Variants in DNAJC28 observed in about 807,000 individuals in gnomAD.
The protein encoded by DNAJC28 is DnaJ heat shock protein family (Hsp40) member C28, also known as dnaJ homolog subfamily C member 28.
In DNAJC28, 24 loss-of-function variants were observed where a neutral mutation model predicts 33.3. That is an observed-to-expected ratio of 0.72 (90% confidence interval 0.52 to 1.01). The LOEUF (loss-of-function observed/expected upper bound fraction) is 1.01, where lower values mean the gene tolerates loss of function less well. Ranked by LOEUF, DNAJC28 falls within the 50% of genes least tolerant of loss-of-function variation. The pLI is 0.00. For missense variants in DNAJC28, 442 were observed against 455.2 expected, an observed-to-expected ratio of 0.97 and a Z score of 0.26; for synonymous variants, 120 against 147.2, an observed-to-expected ratio of 0.82 and a Z score of 1.34.
In DNAJC28 at chr21:33,491,688, G is replaced by A. The variant is rs1401530930; in HGVS notation, c.-118C>T. 6.6e-6 allele frequency: 1 copy of A among 152,352 alleles called. No homozygotes were observed. The highest frequency in any genetic ancestry group is 2.4e-5 in the African/African-American group (1 of 41,462). 9.4% of individuals were successfully genotyped at this position (152,352 alleles called of 1,614,324 possible). A position where few individuals can be genotyped will look rare whatever the true frequency, so the allele number is the denominator to read the frequency against. On this transcript the variant is annotated 5_prime_UTR_variant, in exon 1 of 2. Coordinates refer to ENST00000381947, the MANE Select transcript of DNAJC28 (RefSeq NM_001040192.3). ...CCGGAGGACCCAGGCAGGGCACCTC[G>A]GGAGCCTTCGTCCCGACCGGGGACC...
chr21:33,491,314 G>A (rs2084521336), intron 1 of DNAJC28: 1 of 152,310 alleles, frequency 6.6e-6, no homozygotes, highest in Non-Finnish European at 1.5e-5. Context: ...CGGAGCTCCT[G>A]AGACCCCCTA....
rs148748960 is a variant in DNAJC28 at position 33,489,163 on chromosome 21, T to C, written c.231A>G (p.Gln77=). 1.6e-5 allele frequency: 26 copies of C among 1,611,914 alleles called. No homozygotes were observed. The highest frequency in any genetic ancestry group is 2.2e-5 in the Non-Finnish European group (26 of 1,179,628). ...TATTAGAGCCACTGTCAGGATGATA[T>C]TGCTTGGCAAGCTTATGAAAAGATT... ...VRESFHKLAK[Q]YHPDSGSNTA... The change falls in exon 2 of 2, where the codon CAA becomes CAG. Residue 77 remains glutamine (Q), a synonymous_variant. Transcript: ENST00000381947.
rs540513514 is a variant in DNAJC28, at chr21:33,489,475, T to C, written c.-31-51A>G. The C allele has an allele frequency of 3.5e-5, 35 of 1,002,596 alleles. 1 individual carries two copies. The South Asian group carries it at 4.0e-4, about 11-fold the overall frequency. The allele number at this position is 1,002,596 out of a possible 1,614,324, so 62.1% of individuals were successfully genotyped here. Reference sequence around the variant, plus strand: ...TGAACAAAGTTGTATTATCAGTTAATTTCTTATTTTCAGCAATAAGGTAAA... The same window carrying C: ...TGAACAAAGTTGTATTATCAGTTAACTTCTTATTTTCAGCAATAAGGTAAA... On this transcript the variant is annotated intron_variant, in intron 1 of 1. Transcript: ENST00000381947.
chr21:33,488,994 G>T lies in DNAJC28; in HGVS notation c.400C>A (p.Arg134=). The change falls in exon 2 of 2, where the codon CGA becomes AGA. Residue 134 remains arginine, a synonymous_variant. Coordinates refer to ENST00000381947, the MANE Select transcript of DNAJC28 (RefSeq NM_001040192.3). ...EKFKYKTPQH[R]HYLSFEGIGF... ...ATACCTTCAAAACTTAAATAATGTC[G>T]GTGTTGGGGTGTTTTATATTTGAAT... 1 of 1,611,684 alleles carries T rather than the reference G, an allele frequency of 6.2e-7. No individual in the cohort carries two copies. The highest frequency in any genetic ancestry group is 8.5e-7 in the Non-Finnish European group (1 of 1,179,578).
At position 33,489,033 on chromosome 21, in the gene DNAJC28, C is replaced by A. The variant is rs1428932878; in HGVS notation, c.361G>T (p.Glu121Ter). 1 of 1,606,324 alleles carries A rather than the reference C, an allele frequency of 6.2e-7. No individual in the cohort carries two copies. Among genetic ancestry groups the A allele is most frequent in the Non-Finnish European group, 8.5e-7 (1 of 1,177,484 alleles). ...TTATATTTGAATTTTTCTACATCTT[C>A]TTCTTCTTCACCTTTACTCTGACTG... ...NASQSKGEEE[E>*]DVEKFKYKTP... Residue 121 changes from glutamate (E) to a stop codon, truncating the protein, a stop_gained, in exon 2 of 2, where the codon GAA becomes TAA. Coordinates refer to ENST00000381947, the MANE Select transcript of DNAJC28 (RefSeq NM_001040192.3). LOFTEE classifies it high-confidence loss of function.
At chr21:33,490,263 C>CACTCCT (rs1024089802) in intron 1 of DNAJC28, among the ~76,000 whole-genome samples, 5 of 151,378 alleles carry the variant, frequency 3.3e-5, no homozygotes, top group African/African-American at 1.2e-4. Context: ...TGCACGACAC[C>CACTCCT]ACTCCTGGCT....
At position 33,488,574 on chromosome 21, in the gene DNAJC28, T is replaced by C. The variant is rs2084485067; in HGVS notation, c.820A>G (p.Ile274Val). 1 of 1,613,616 alleles carries C rather than the reference T, an allele frequency of 6.2e-7. No individual in the cohort carries two copies. The highest frequency in any genetic ancestry group is 1.3e-5 in the African/African-American group (1 of 74,930). Reference protein sequence around the residue: ...SDTIEQLREAILVSRKKLGNP... With the variant: ...SDTIEQLREAVLVSRKKLGNP... ...CCAAGTTTTTTCCTAGACACTAAAA[T>C]TGCCTCTCTGAGTTGCTCAATAGTA... Residue 274 changes from isoleucine (I) to valine (V), a missense_variant, in exon 2 of 2, where the codon ATT becomes GTT. Physicochemically the swap from Ile to Val is conservative, Grantham distance 29. Coordinates refer to ENST00000381947, the MANE Select transcript of DNAJC28 (RefSeq NM_001040192.3).
Position 33,489,263 on chromosome 21 carries a change from T to G in DNAJC28, c.131A>C (p.Lys44Thr), listed in dbSNP as rs529962153. The G allele has an allele frequency of 4.4e-6, 7 of 1,601,112 alleles. No homozygotes were observed. Among genetic ancestry groups the G allele is most frequent in the Non-Finnish European group, 5.1e-6 (6 of 1,176,488 alleles). Residue 44 changes from lysine (K) to threonine (T), a missense_variant, in exon 2 of 2, where the codon AAA (lysine) becomes ACA (threonine). By Grantham distance (78) the Lys-to-Thr change is moderately conservative. Transcript: ENST00000381947. ...ATATTCTCTGATCTTCTTTTTGGAT[T>G]TATGGGTTGACATCATTCTATTTCT... ...IIRNRMMSTH[K>T]SKKKIREYYR...
rs2084486695 is a variant in DNAJC28, at chr21:33,488,652, T to TG, written c.741_742insC (p.Ile248HisfsTer3). On this transcript the variant is annotated frameshift_variant, in exon 2 of 2. Transcript: ENST00000381947. LOFTEE classifies it high-confidence loss of function. ...CATTCTGGTTGGTATCCATTATCGA[T>TG]CAGTATTCGGTTCAGGTTGTGAGTC... 18 of 1,613,922 alleles carry TG rather than the reference T, an allele frequency of 1.1e-5. No individual in the cohort carries two copies. The highest frequency in any genetic ancestry group is 1.6e-4 in the Middle Eastern group (1 of 6,062).
Position 33,489,009 on chromosome 21 carries a change from T to C in DNAJC28, c.385A>G (p.Lys129Glu), listed in dbSNP as rs781150906. 24 of 1,612,244 alleles carry C rather than the reference T, an allele frequency of 1.5e-5. No homozygotes were observed. The highest frequency in any genetic ancestry group is 2.0e-5 in the Non-Finnish European group (24 of 1,179,666). Residue 129 changes from lysine (K) to glutamate (E), a missense_variant, in exon 2 of 2, where the codon AAA (lysine) becomes GAA (glutamate). Physicochemically the swap from Lys to Glu is moderately conservative, Grantham distance 56. Transcript: ENST00000381947. ...EEEDVEKFKY[K>E]TPQHRHYLSF... ...AAATAATGTCGGTGTTGGGGTGTTT[T>C]ATATTTGAATTTTTCTACATCTTCT... is the stretch of plus-strand genomic sequence containing the variant.
At position 33,489,075 on chromosome 21, in the gene DNAJC28, TCA is replaced by T. The variant is rs1460003273; in HGVS notation, c.317_318del (p.Val106AspfsTer10). On this transcript the variant is annotated frameshift_variant, in exon 2 of 2. Transcript: ENST00000381947. LOFTEE classifies it high-confidence loss of function. ...CTCTGACTGGCATTTGTTTGTTCTA[TCA>T]CATGGGAGAGCACCTTTCTATAAGC... Reference protein sequence around the residue: ...EKAYRKVLSHVIEQTNASQSK... With the variant: ...EKAYRKVLSHXIEQTNASQSK... 1.2e-6 allele frequency: 2 copies of T among 1,613,672 alleles called. No homozygotes were observed. The highest frequency in any genetic ancestry group is 1.7e-6 in the Non-Finnish European group (2 of 1,179,938).
chr21:33,489,588 C>CA (rs80036873), intron 1 of DNAJC28, among the ~76,000 whole-genome samples, 164 bp from the exon 2 acceptor site: 13,168 of 139,036 alleles, frequency 0.095, 854 homozygotes, highest in East Asian at 0.25. Context: ...TTTTTTGAGA[C>CA]AGAGTCTCGC....
chr21:33,490,508 A>C (rs2084513158), intron 1 of DNAJC28, among the ~76,000 whole-genome samples: 1 of 151,694 alleles, frequency 6.6e-6, no homozygotes, highest in East Asian at 2.0e-4. Flanking sequence ...GCACGGTGGC[A>C]CACGCCTGTA....
At chr21:33,490,511 C>T (rs1601152239) in intron 1 of DNAJC28, among the ~76,000 whole-genome samples, 1 of 151,600 alleles carries the variant, frequency 6.6e-6, no homozygotes, top group African/African-American at 2.4e-5. Context: ...CGGTGGCACA[C>T]GCCTGTAATC....
In DNAJC28 at chr21:33,488,346, CTTCTTTTGT is replaced by C; in HGVS notation, c.1039_1047del (p.Thr347_Glu349del). On this transcript the variant is annotated inframe_deletion, in exon 2 of 2. Transcript: ENST00000381947. ...AGGTTATTTGGGTTTCTATCTGTGACTTCTTTTGTTTTTATAAGGGTCTCGTATATTTTC... is the reference window on the plus strand; with the variant it reads ...AGGTTATTTGGGTTTCTATCTGTGACTTTTATAAGGGTCTCGTATATTTTC... 6.3e-7 allele frequency: 1 copy of C among 1,585,590 alleles called. No homozygotes were observed.
rs778315583 is a variant in DNAJC28 at position 33,489,441 on chromosome 21, A to C, written c.-31-17T>G. 3.8e-6 allele frequency: 5 copies of C among 1,313,722 alleles called. No individual in the cohort carries two copies. Among genetic ancestry groups the C allele is most frequent in the Admixed American group, 5.4e-5 (2 of 37,072 alleles). The allele number at this position is 1,313,722 out of a possible 1,614,324, so 81.4% of individuals were successfully genotyped here. A position where few individuals can be genotyped will look rare whatever the true frequency, so the allele number is the denominator to read the frequency against. ...AGCAATGACCTATAAAACGACAACA[A>C]ATATAGGTTGAACAAAGTTGTATTA... is the stretch of plus-strand genomic sequence containing the variant. On this transcript the variant is annotated splice_polypyrimidine_tract_variant and intron_variant, in intron 1 of 1. Coordinates refer to ENST00000381947, the MANE Select transcript of DNAJC28 (RefSeq NM_001040192.3).
intron 1 of DNAJC28, chr21:33,491,332 G>C (rs1192338237): frequency 6.6e-6 from 1 of 152,326 alleles, no homozygotes; most frequent in Non-Finnish European, 1.5e-5. Flanking sequence ...CTATTTTCTA[G>C]GCAATCGGTG....
At chr21:33,490,100 T>TTTTTC (rs539102744) in intron 1 of DNAJC28, among the ~76,000 whole-genome samples, 86 of 148,740 alleles carry the variant, frequency 5.8e-4, no homozygotes, top group African/African-American at 1.8e-3. Flanking sequence ...GCCACATTCT[T>TTTTTC]TTTTCTTTTC....
chr21:33,488,669 T>C lies in DNAJC28; in HGVS notation c.725A>G (p.Asn242Ser). 6.2e-7 allele frequency: 1 copy of C among 1,612,526 alleles called. No homozygotes were observed. Among genetic ancestry groups the C allele is most frequent in the Middle Eastern group, 1.7e-4 (1 of 6,060 alleles). Residue 242 changes from asparagine to serine, a missense_variant, in exon 2 of 2, where the codon AAC becomes AGC. By Grantham distance (46) the Asn-to-Ser change is conservative (BLOSUM62 1). Coordinates refer to ENST00000381947, the MANE Select transcript of DNAJC28 (RefSeq NM_001040192.3). ...ATTATCGATCAGTATTCGGTTCAGG[T>C]TGTGAGTCATGGGATCAATGTAAGA... is the stretch of plus-strand genomic sequence containing the variant. The part of the protein sequence containing the change: ...DCSYIDPMTH[N>S]LNRILIDNGY...
Sources: allele counts gnomAD v4.1 joint callset (sites outside exome capture counted in the v4.1 genomes callset), GRCh38; gene constraint gnomAD v4.1.1; transcripts MANE v1.5; gene names NCBI Gene and HGNC (gene_info 2026-07-23, HGNC 2026-07-21).